Variants in LONRF2 observed in about 807,000 individuals in gnomAD.
LONRF2 encodes LON peptidase N-terminal domain and RING finger protein 2.
LONRF2 carries 35 observed loss-of-function variants against 66.6 expected under a neutral mutation model. The ratio of observed to expected loss-of-function variants is 0.53; its 90% CI spans 0.40 to 0.70. The LOEUF is 0.70. Among genes scored for constraint, LONRF2 ranks in the 30% least tolerant of loss-of-function variants. LONRF2 has a pLI of 0.00. For missense variants in LONRF2, 902 were observed against 1,002.1 expected (o/e 0.90, Z 1.35); for synonymous variants, 417 against 418.1 (o/e 1.00, Z 0.03).
intron 1 of LONRF2, among the ~76,000 whole-genome samples, chr2:100,311,288 G>T (rs1360140994): frequency 6.6e-6 from 1 of 151,808 alleles, no homozygotes; most frequent in African/African-American, 2.4e-5. Context: ...ATCCAAAGGA[G>T]ATTTGGGGAA....
intron 10 of LONRF2, 116 bp downstream of exon 10, chr2:100,290,142 G>T: frequency 2.1e-6 from 2 of 952,476 alleles, no homozygotes; most frequent in Non-Finnish European, 3.1e-6. Flanking sequence ...TAACTTAAGT[G>T]ATGAATTAAG....
rs909248420 is a variant in LONRF2, at chr2:100,295,530, G to A, written c.1500C>T (p.Asn500=). Residue 500 remains asparagine (N), a synonymous_variant, in exon 8 of 12, where the codon AAC becomes AAT. Transcript: ENST00000393437. ...LSELLASRNF[N]ITVLAEELIF... ...TTAATTCTTCGGCCAGAACAGTTATGTTAAAGTTTCTGCTTGCCAATAACT... is the reference window on the plus strand; with the variant it reads ...TTAATTCTTCGGCCAGAACAGTTATATTAAAGTTTCTGCTTGCCAATAACT... 1.2e-6 allele frequency: 2 copies of A among 1,613,294 alleles called. No homozygotes were observed. Among genetic ancestry groups the A allele is most frequent in the Non-Finnish European group, 1.7e-6 (2 of 1,179,702 alleles).
At chr2:100,298,756 A>AAGCAACACGAGACAGGGAGT in intron 7 of LONRF2, 80 bp downstream of exon 7, 2 of 983,878 alleles carry the variant, frequency 2.0e-6, no homozygotes, top group Non-Finnish European at 3.2e-6. Context: ...TGGGTGGGGG[A>AAGCAACACGAGACAGGGAGT]AGCAACACGA....
At chr2:100,302,568 G>C (rs1675205611) in intron 3 of LONRF2, among the ~76,000 whole-genome samples, 1 of 152,164 alleles carries the variant, frequency 6.6e-6, no homozygotes, top group African/African-American at 2.4e-5. Context: ...GAAAATTACA[G>C]GTCACCCTAT....
intron 1 of LONRF2, among the ~76,000 whole-genome samples, chr2:100,310,899 T>C (rs1331242163): frequency 2.0e-5 from 3 of 152,230 alleles, no homozygotes; most frequent in Non-Finnish European, 4.4e-5. Context: ...TTTTTTGTAA[T>C]ACAGATAAAC....
At chr2:100,317,247 C>A (rs553885990) in intron 1 of LONRF2, among the ~76,000 whole-genome samples, 1 of 152,138 alleles carries the variant, frequency 6.6e-6, no homozygotes, top group South Asian at 2.1e-4. Context: ...CTCCCATTTT[C>A]TTTTGGATTA....
intron 3 of LONRF2, among the ~76,000 whole-genome samples, chr2:100,302,597 T>G (rs889521581): frequency 2.0e-5 from 3 of 152,298 alleles, no homozygotes; most frequent in African/African-American, 7.2e-5. Context: ...ATTGATACAT[T>G]TTACATATAT....
At chr2:100,303,658 T>C (rs967447285) in intron 2 of LONRF2, among the ~76,000 whole-genome samples, 1 of 152,238 alleles carries the variant, frequency 6.6e-6, no homozygotes, top group African/African-American at 2.4e-5. Context: ...TTCCACAGTT[T>C]CAGATGAGAT....
rs533596314 is a variant in LONRF2 at position 100,300,569 on chromosome 2, C to T, written c.1065+75G>A. ...CATAATGCCATAATGTGTGAATAATCTGTAAACTGTTTAAAATGAAGCCAT... is the reference window on the plus strand; with the variant it reads ...CATAATGCCATAATGTGTGAATAATTTGTAAACTGTTTAAAATGAAGCCAT... On this transcript the variant is annotated intron_variant, in intron 4 of 11. Coordinates refer to ENST00000393437, the MANE Select transcript of LONRF2 (RefSeq NM_198461.4). 71 of 1,412,610 alleles carry T rather than the reference C, an allele frequency of 5.0e-5. No homozygotes were observed. The African/African-American group carries it at 1.0e-3, about 20-fold the overall frequency. The allele number at this position is 1,412,610 out of a possible 1,614,324, so 87.5% of individuals were successfully genotyped here.
At position 100,294,265 on chromosome 2, in the gene LONRF2, T is replaced by C. The variant is rs1458873160; in HGVS notation, c.1721A>G (p.Lys574Arg). The C allele has an allele frequency of 1.2e-6, 2 of 1,606,518 alleles. No individual in the cohort carries two copies. Among genetic ancestry groups the C allele is most frequent in the Non-Finnish European group, 1.7e-6 (2 of 1,177,348 alleles). The change falls in exon 9 of 12, where the codon AAG becomes AGG. Residue 574 changes from lysine (K) to arginine (R), a missense_variant. Lys to Arg is a conservative substitution (Grantham distance 26, BLOSUM62 2). Transcript: ENST00000393437. ...AGCAGATAAACACATGCCAAACCGCTTGGTGCCAGTTTCCATGCATCTTCT... is the reference window on the plus strand; with the variant it reads ...AGCAGATAAACACATGCCAAACCGCCTGGTGCCAGTTTCCATGCATCTTCT... ...MIRRCMETGT[K>R]RFGMCLSAEH... is the part of the protein sequence containing the mutation.
Position 100,302,927 on chromosome 2 carries a change from T to C in LONRF2, c.915A>G (p.Ala305=). 6.2e-7 allele frequency: 1 copy of C among 1,601,460 alleles called. No individual in the cohort carries two copies. The highest frequency in any genetic ancestry group is 1.7e-5 in the Admixed American group (1 of 58,606). ...NPECNSVKKE[A]QKVMCEVLFS... is the part of the protein sequence containing the mutation. ...CCTTTAACAGAACTCATACCTTCTG[T>C]GCTTCTTTCTTCACAGAGTTACATT... Residue 305 remains alanine, a synonymous_variant, in exon 3 of 12, where the codon GCA becomes GCG. Transcript: ENST00000393437.
At chr2:100,304,790 A>ATTTTTTTT (rs3039614) in intron 2 of LONRF2, among the ~76,000 whole-genome samples, 1 of 113,226 alleles carries the variant, frequency 8.8e-6, no homozygotes, top group African/African-American at 3.5e-5. Flanking sequence ...TGCCTGGCTA[A>ATTTTTTTT]TTTTTTTTTT....
Position 100,321,799 on chromosome 2 carries a change from C to A in LONRF2, c.295G>T (p.Ala99Ser), listed in dbSNP as rs1270226785. 9.3e-7 allele frequency: 1 copy of A among 1,073,588 alleles called. No homozygotes were observed. The highest frequency in any genetic ancestry group is 4.2e-4 in the Middle Eastern group (1 of 2,370). 66.5% of individuals were successfully genotyped at this position (1,073,588 alleles called of 1,614,324 possible). ...CCCACGGCGCGCACCAGGCCGCCCG[C>A]CAGCTCTTCCAGCTCCTCCGGCCGC... ...ALRPEELEEL[A>S]GGLVRAVGLR... Residue 99 changes from alanine (A) to serine (S), a missense_variant, in exon 1 of 12, where the codon GCG (alanine) becomes TCG (serine). Transcript: ENST00000393437.
At chr2:100,286,316 C>T (rs1055186290) in intron 11 of LONRF2, among the ~76,000 whole-genome samples, 1 of 152,112 alleles carries the variant, frequency 6.6e-6, no homozygotes, top group African/African-American at 2.4e-5. Context: ...TTAAACCAGC[C>T]CAGCCTGGCT....
In LONRF2 at chr2:100,295,458, A is replaced by G. The variant is rs575948596; in HGVS notation, c.1572T>C (p.Tyr524=). 3.1e-6 allele frequency: 5 copies of G among 1,613,970 alleles called. No individual in the cohort carries two copies. In the East Asian group the frequency reaches 1.1e-4, roughly 36 times the overall value. The stretch of plus-strand genomic sequence containing the variant: ...TTGACAGTTCTGACATTTCTTCATC[A>G]TAAATTCTCTTCCTATCAGACAATT... The part of the protein sequence containing the change: ...PDELSDRKRI[Y]DEEMSELSNL... The change falls in exon 8 of 12, where the codon TAT becomes TAC. Residue 524 remains tyrosine (Y), a synonymous_variant. Transcript: ENST00000393437.
chr2:100,304,892 A>G (rs1468491874), intron 2 of LONRF2, among the ~76,000 whole-genome samples: 3 of 150,572 alleles, frequency 2.0e-5, no homozygotes, highest in African/African-American at 7.3e-5. Flanking sequence ...TGGCCTCACC[A>G]AGTGCTGGGA....
intron 10 of LONRF2, 144 bp from the exon 11 acceptor site, chr2:100,287,207 C>A: frequency 2.7e-6 from 2 of 744,036 alleles, no homozygotes; most frequent in Non-Finnish European, 2.0e-6. Flanking sequence ...GGTACATGCT[C>A]AATATAGAAA....
At chr2:100,297,494 C>A (rs1055515210) in intron 7 of LONRF2, among the ~76,000 whole-genome samples, 1 of 152,232 alleles carries the variant, frequency 6.6e-6, no homozygotes, top group Non-Finnish European at 1.5e-5. Flanking sequence ...CAGCCCCCTA[C>A]AAGGCAGCAT....
chr2:100,299,413 G>C, intron 5 of LONRF2, 94 bp from the exon 6 acceptor site: 1 of 721,678 alleles, frequency 1.4e-6, no homozygotes, highest in Non-Finnish European at 2.2e-6. Flanking sequence ...CAAACGTGTT[G>C]TATCAATGTA....
Sources: allele counts gnomAD v4.1 joint callset (sites outside exome capture counted in the v4.1 genomes callset), GRCh38; gene constraint gnomAD v4.1.1; transcripts MANE v1.5; gene names NCBI Gene and HGNC (gene_info 2026-07-23, HGNC 2026-07-21).